Variants in GRIA3 observed in about 807,000 individuals in gnomAD.
GRIA3 encodes the protein glutamate ionotropic receptor AMPA type subunit 3, also known as glutamate receptor 3.
GRIA3 carries 3 observed loss-of-function variants against 63.0 expected under a neutral mutation model. The observed-to-expected ratio is 0.05, with a 90% confidence interval of 0.02 to 0.12. The LOEUF (loss-of-function observed/expected upper bound fraction) is 0.12, where lower values mean the gene tolerates loss of function less well. Ranked by LOEUF, GRIA3 falls within the 10% of genes least tolerant of loss-of-function variation. The pLI, the probability that GRIA3 is intolerant of heterozygous loss-of-function variation, is 1.00. For synonymous variants in GRIA3, 274 were observed against 257.9 expected, an observed-to-expected ratio of 1.06 and a Z score of -0.60; for missense variants, 347 against 700.9, an observed-to-expected ratio of 0.50 and a Z score of 5.70.
intron 3 of GRIA3, among the ~76,000 whole-genome samples, chrX:123,255,675 G>A (rs1157887068): frequency 9.3e-6 from 1 of 107,319 alleles, no homozygotes; most frequent in East Asian, 2.9e-4. Context: ...TCTTACCCTT[G>A]CATCTTTTCT....
At chrX:123,235,558 C>A (rs2044297491) in intron 2 of GRIA3, among the ~76,000 whole-genome samples, 1 of 111,390 alleles carries the variant, frequency 9.0e-6, no homozygotes, top group South Asian at 3.8e-4. Context: ...AAAACACATT[C>A]TTCTTTCTGA....
chrX:123,321,471 A>G (rs2044867187), intron 3 of GRIA3, among the ~76,000 whole-genome samples: 1 of 112,040 alleles, frequency 8.9e-6, no homozygotes. Flanking sequence ...TGGAAGATGC[A>G]CAACAGGAAC....
chrX:123,344,031 G>A (rs1238241753), intron 4 of GRIA3, among the ~76,000 whole-genome samples: 1 of 111,651 alleles, frequency 9.0e-6, no homozygotes, highest in Non-Finnish European at 1.9e-5. Flanking sequence ...GTACAGATGT[G>A]GAAACTGAGG....
At chrX:123,350,986 C>A (rs187928596) in intron 4 of GRIA3, among the ~76,000 whole-genome samples, 2 of 112,306 alleles carry the variant, frequency 1.8e-5, no homozygotes, top group Non-Finnish European at 1.9e-5. Flanking sequence ...CTTACAAAAG[C>A]AAAGTGAATA....
At chrX:123,423,430 C>G (rs1333344237) in intron 11 of GRIA3, among the ~76,000 whole-genome samples, 1 of 112,151 alleles carries the variant, frequency 8.9e-6, no homozygotes, top group Non-Finnish European at 1.9e-5. Flanking sequence ...TGTATGACCA[C>G]TGTCTTTATC....
Position 123,400,606 on chromosome X carries a change from T to A in GRIA3, c.1080+1803T>A, listed in dbSNP as rs750608894. 4.5e-5 allele frequency among the ~76,000 whole-genome samples: 5 copies of A among 112,088 alleles called. No individual in the cohort carries two copies. The East Asian group carries it at 1.4e-3, about 31-fold the overall frequency. On this transcript the variant is annotated intron_variant, in intron 7 of 15. Transcript: ENST00000620443. Reference sequence around the variant, plus strand: ...GTTGTTTCTCAATAAATTATTCTCTTCCTTCAAAAGAAATCTGGCAAACAA... The same window carrying A: ...GTTGTTTCTCAATAAATTATTCTCTACCTTCAAAAGAAATCTGGCAAACAA...
intron 4 of GRIA3, among the ~76,000 whole-genome samples, chrX:123,331,989 G>A (rs959185156): frequency 2.7e-5 from 3 of 111,770 alleles, no homozygotes; most frequent in Non-Finnish European, 5.7e-5. Flanking sequence ...TTGCTCATGA[G>A]TGGTGAGTTT....
intron 3 of GRIA3, among the ~76,000 whole-genome samples, chrX:123,269,500 C>T (rs761657705): frequency 1.7e-4 from 19 of 111,786 alleles, no homozygotes; most frequent in Non-Finnish European, 3.2e-4. Flanking sequence ...CCACCTTGCT[C>T]ATCTCTCCAA....
intron 2 of GRIA3, among the ~76,000 whole-genome samples, chrX:123,221,390 G>C (rs751188065): frequency 1.8e-4 from 20 of 112,322 alleles, no homozygotes; most frequent in African/African-American, 6.5e-4. Context: ...CTTATATTGG[G>C]CTTAAGGTAG....
intron 15 of GRIA3, among the ~76,000 whole-genome samples, chrX:123,485,542 A>G (rs1018515777): frequency 5.4e-5 from 6 of 111,721 alleles, no homozygotes; most frequent in African/African-American, 2.0e-4. Context: ...ATCCTGTCAA[A>G]TGGAGAGCAG....
chrX:123,390,722 G>GT (rs1206211902), intron 5 of GRIA3, among the ~76,000 whole-genome samples: 1 of 111,816 alleles, frequency 8.9e-6, no homozygotes, highest in African/African-American at 3.2e-5. Flanking sequence ...TGTTAAATAG[G>GT]TTTTTTATCA....
intron 2 of GRIA3, among the ~76,000 whole-genome samples, chrX:123,252,437 C>T (rs1396105815): frequency 4.5e-5 from 5 of 112,156 alleles, no homozygotes; most frequent in Admixed American, 9.4e-5. Context: ...GTGAATGCTC[C>T]ACAGTGTTGT....
chrX:123,448,811 C>T (rs1017938979), intron 12 of GRIA3, among the ~76,000 whole-genome samples: 1 of 111,712 alleles, frequency 9.0e-6, no homozygotes, highest in African/African-American at 3.3e-5. Context: ...TTTTCCACAT[C>T]TCCATTCCTT....
intron 13 of GRIA3, among the ~76,000 whole-genome samples, chrX:123,471,990 C>CAT (rs760824587): frequency 0.1 from 1,386 of 13,368 alleles, 230 homozygotes; most frequent in Admixed American, 0.28. Context: ...CAATGGCATT[C>CAT]ATATATATAT....
At chrX:123,479,542 A>G (rs2045902788) in intron 13 of GRIA3, among the ~76,000 whole-genome samples, 1 of 112,306 alleles carries the variant, frequency 8.9e-6, no homozygotes, top group African/African-American at 3.2e-5. Context: ...ACAATTAATT[A>G]GAAGGCATGT....
At chrX:123,386,694 G>T (rs1013965227) in intron 5 of GRIA3, among the ~76,000 whole-genome samples, 13 of 111,856 alleles carry the variant, frequency 1.2e-4, no homozygotes, top group Admixed American at 3.8e-4. Context: ...AATTTTCCCA[G>T]CACCATTTAT....
chrX:123,185,988 C>A lies in GRIA3; in HGVS notation c.266C>A (p.Ala89Asp). The A allele has an allele frequency of 8.3e-7, 1 of 1,202,956 alleles. No individual in the cohort carries two copies. The highest frequency in any genetic ancestry group is 1.1e-6 in the Non-Finnish European group (1 of 888,283). The change falls in exon 2 of 16, where the codon GCT (alanine) becomes GAT (aspartate). Residue 89 changes from alanine (A) to aspartate (D), a missense_variant and splice_region_variant. By Grantham distance (126) the Ala-to-Asp change is moderately radical (BLOSUM62 -2). This residue lies in a region of GRIA3 where 29 missense variants were observed against 69.4 expected (regional missense o/e 0.42). Transcript: ENST00000620443. Reference sequence around the variant, plus strand: ...TCCAATAGTTTTTCCGTGACAAATGCTTGTAAGTAGATCTGCTTTTCCTCC... The same window carrying A: ...TCCAATAGTTTTTCCGTGACAAATGATTGTAAGTAGATCTGCTTTTCCTCC... Reference protein sequence around the residue: ...DSSNSFSVTNAFCSQFSRGVY... With the variant: ...DSSNSFSVTNDFCSQFSRGVY...
intron 3 of GRIA3, among the ~76,000 whole-genome samples, chrX:123,303,039 C>G (rs1440621730): frequency 9.0e-6 from 1 of 111,488 alleles, no homozygotes; most frequent in Non-Finnish European, 1.9e-5. Context: ...CCAGAATGGT[C>G]TCCTATTACT....
intron 2 of GRIA3, among the ~76,000 whole-genome samples, chrX:123,222,049 C>A (rs2044222291): frequency 1.8e-5 from 2 of 111,482 alleles, no homozygotes; most frequent in Admixed American, 9.5e-5. Flanking sequence ...ATCACCATTT[C>A]ATTGGTCAAT....
Sources: allele counts gnomAD v4.1 joint callset (sites outside exome capture counted in the v4.1 genomes callset), GRCh38; gene constraint gnomAD v4.1.1; regional missense constraint gnomAD v4.1.1; transcripts MANE v1.5; gene names NCBI Gene and HGNC (gene_info 2026-07-23, HGNC 2026-07-21).